Variants in PRTFDC1 observed in about 807,000 individuals in gnomAD.
PRTFDC1 encodes the protein phosphoribosyltransferase domain-containing protein 1.
In PRTFDC1, 38 loss-of-function variants were observed where a neutral mutation model predicts 34.6. The observed-to-expected ratio is 1.10, with a 90% CI of 0.85 to 1.44. The LOEUF is 1.44. Among genes scored for constraint, PRTFDC1 ranks in the 40% most tolerant of loss-of-function variants. The probability of loss-of-function intolerance (pLI) is 0.00; values close to 1 mark genes in which losing one functional copy is unlikely to be tolerated. For synonymous variants in PRTFDC1, 93 were observed against 98.1 expected (o/e 0.95, Z 0.31); for missense variants, 270 against 283.0 (o/e 0.95, Z 0.33).
chr10:24,937,388 A>T (rs201484040), intron 2 of PRTFDC1, 21 bp from the exon 3 acceptor site: 1 of 1,590,624 alleles, frequency 6.3e-7, no homozygotes, highest in Non-Finnish European at 8.6e-7. Context: ...GATAAAAGAT[A>T]TATTAAGGCA....
At chr10:24,879,878 G>A (rs1195480551) in intron 3 of PRTFDC1, among the ~76,000 whole-genome samples, 1 of 152,034 alleles carries the variant, frequency 6.6e-6, no homozygotes, top group Non-Finnish European at 1.5e-5. Context: ...TACCCATTTG[G>A]TGCTTAGATT....
chr10:24,944,009 A>G (rs1240502714), intron 1 of PRTFDC1, among the ~76,000 whole-genome samples: 1 of 151,972 alleles, frequency 6.6e-6, no homozygotes, highest in African/African-American at 2.4e-5. Context: ...TCAAGTCAGG[A>G]TCCTTCCCAG....
At position 24,856,912 on chromosome 10, in the gene PRTFDC1, C is replaced by T. The variant is rs113861822; in HGVS notation, c.506+1G>A. 19 of 1,607,902 alleles carry T rather than the reference C, an allele frequency of 1.2e-5. No individual in the cohort carries two copies. The highest frequency in any genetic ancestry group is 2.7e-5 in the African/African-American group (2 of 74,934). On this transcript the variant is annotated splice_donor_variant, in intron 6 of 8. Transcript: ENST00000320152. LOFTEE classifies it high-confidence loss of function. Reference sequence around the variant, plus strand: ...CACCATGCTATGAATGTCCAACTCACCTGGCTACCTTAATCATGTTGGGCT... The same window carrying T: ...CACCATGCTATGAATGTCCAACTCATCTGGCTACCTTAATCATGTTGGGCT...
At chr10:24,914,096 C>T (rs1439102154) in intron 3 of PRTFDC1, among the ~76,000 whole-genome samples, 1 of 152,150 alleles carries the variant, frequency 6.6e-6, no homozygotes, top group East Asian at 1.9e-4. Flanking sequence ...TCAAGTTTCA[C>T]AGTCAAATCA....
chr10:24,939,301 C>CAAA (rs34582221), intron 2 of PRTFDC1, among the ~76,000 whole-genome samples: 1 of 89,804 alleles, frequency 1.1e-5, no homozygotes, highest in African/African-American at 4.3e-5. Context: ...AACTCTGACT[C>CAAA]AAAAAAAAAA....
chr10:24,929,050 A>AAAAG (rs1433489270), intron 3 of PRTFDC1, among the ~76,000 whole-genome samples: 2 of 123,184 alleles, frequency 1.6e-5, no homozygotes, highest in African/African-American at 6.0e-5. Context: ...CAAAAAAAAA[A>AAAAG]AAAAAGAAAG....
intron 4 of PRTFDC1, among the ~76,000 whole-genome samples, chr10:24,858,886 G>A (rs1847627603): frequency 1.3e-5 from 2 of 152,182 alleles, no homozygotes; most frequent in Admixed American, 6.5e-5. Context: ...TTTCCTCTTG[G>A]ATTGTCAACC....
At chr10:24,915,695 A>G (rs1018976145) in intron 3 of PRTFDC1, among the ~76,000 whole-genome samples, 1 of 152,196 alleles carries the variant, frequency 6.6e-6, no homozygotes, top group South Asian at 2.1e-4. Context: ...AACTGCATTC[A>G]GTGGCTGATT....
chr10:24,926,118 T>C (rs1183493025), intron 3 of PRTFDC1, among the ~76,000 whole-genome samples: 1 of 152,126 alleles, frequency 6.6e-6, no homozygotes, highest in East Asian at 1.9e-4. Flanking sequence ...ACAGACATGG[T>C]GTTAAAGGAC....
chr10:24,889,739 T>A (rs895180306), intron 3 of PRTFDC1, among the ~76,000 whole-genome samples: 1 of 152,240 alleles, frequency 6.6e-6, no homozygotes, highest in South Asian at 2.1e-4. Flanking sequence ...CCACCTTCCA[T>A]TTTTCAGAAT....
chr10:24,911,723 C>T (rs56739897), intron 3 of PRTFDC1, among the ~76,000 whole-genome samples: 17,408 of 151,618 alleles, frequency 0.11, 1,256 homozygotes, highest in East Asian at 0.28. Context: ...AAAAATTAGC[C>T]GGGTATGGTG....
chr10:24,949,731 A>AT (rs1352156296), intron 1 of PRTFDC1, among the ~76,000 whole-genome samples: 8 of 114,376 alleles, frequency 7.0e-5, no homozygotes, highest in Non-Finnish European at 1.4e-4. Context: ...TTATTTATTT[A>AT]TTTATTTATT....
intron 3 of PRTFDC1, among the ~76,000 whole-genome samples, chr10:24,931,288 A>T (rs1431834931): frequency 6.6e-6 from 1 of 152,128 alleles, no homozygotes; most frequent in Non-Finnish European, 1.5e-5. Flanking sequence ...AAATAAGAAA[A>T]TCTCAAATCT....
chr10:24,872,097 T>C, intron 3 of PRTFDC1, 34 bp from the exon 4 acceptor site: 5 of 1,548,806 alleles, frequency 3.2e-6, no homozygotes, highest in Non-Finnish European at 2.7e-6. Context: ...GGAGACAATT[T>C]TACCGCACAA....
chr10:24,912,055 G>C (rs1242253112), intron 3 of PRTFDC1, among the ~76,000 whole-genome samples: 1 of 151,778 alleles, frequency 6.6e-6, no homozygotes, highest in Admixed American at 6.6e-5. Context: ...GATCACTTGA[G>C]GTCAGGAGTT....
At chr10:24,948,260 A>C (rs554229659) in intron 1 of PRTFDC1, among the ~76,000 whole-genome samples, 2 of 152,326 alleles carry the variant, frequency 1.3e-5, no homozygotes, top group East Asian at 3.9e-4. Context: ...CTCAGTTGAT[A>C]ATCATTTGGC....
At chr10:24,858,006 A>G (rs1305732493) in intron 5 of PRTFDC1, among the ~76,000 whole-genome samples, 2 of 152,352 alleles carry the variant, frequency 1.3e-5, no homozygotes, top group Non-Finnish European at 1.5e-5. Context: ...TCTTGAAATC[A>G]TCAGAGGTCC....
intron 2 of PRTFDC1, among the ~76,000 whole-genome samples, chr10:24,938,836 A>G (rs1849096797): frequency 6.6e-6 from 1 of 152,198 alleles, no homozygotes; most frequent in African/African-American, 2.4e-5. Flanking sequence ...GGGGAAAGTA[A>G]ACATCGAAAG....
intron 3 of PRTFDC1, among the ~76,000 whole-genome samples, chr10:24,918,558 G>A (rs1848731672): frequency 6.6e-6 from 1 of 151,780 alleles, no homozygotes; most frequent in Non-Finnish European, 1.5e-5. Context: ...TGTGACTACA[G>A]ATGCATACCA....
Sources: allele counts gnomAD v4.1 joint callset (sites outside exome capture counted in the v4.1 genomes callset), GRCh38; gene constraint gnomAD v4.1.1; transcripts MANE v1.5; gene names NCBI Gene and HGNC (gene_info 2026-07-23, HGNC 2026-07-21).